Variants in LIPN observed in about 807,000 individuals in gnomAD.
The protein encoded by LIPN is lipase member N.
In LIPN, 32 loss-of-function variants were observed where a neutral mutation model predicts 43.7. That is an observed-to-expected ratio of 0.73 (90% confidence interval 0.55 to 0.98). The LOEUF (loss-of-function observed/expected upper bound fraction) is 0.98. LIPN is among the 50% of genes least tolerant of loss of function. The pLI, the probability that LIPN is intolerant of heterozygous loss-of-function variation, is 0.00. For missense variants in LIPN, 505 were observed against 483.8 expected (o/e 1.04, Z -0.41); for synonymous variants, 156 against 157.6 (o/e 0.99, Z 0.08).
At position 88,768,932 on chromosome 10, in the gene LIPN, G is replaced by A. The variant is rs1371052188; in HGVS notation, c.672+4G>A. 3 of 1,610,066 alleles carry A rather than the reference G, an allele frequency of 1.9e-6. No individual in the cohort carries two copies. The highest frequency in any genetic ancestry group is 1.3e-5 in the African/African-American group (1 of 74,618). On this transcript the variant is annotated splice_donor_region_variant and intron_variant, in intron 6 of 9. Coordinates refer to ENST00000404459, the MANE Select transcript of LIPN (RefSeq NM_001102469.2). ...ACTTCCAAATTCCATAATCAAGGTA[G>A]GCTCCTTTCAACAAAATGTACCTGA...
chr10:88,762,228 A>G lies in LIPN; in HGVS notation c.149A>G (p.Tyr50Cys), dbSNP rs991216136. ...TACAATGGCTACCCCAGTGAAGAGTATGAAGTCACCACTGAAGATGGGTAT... is the reference window on the plus strand; with the variant it reads ...TACAATGGCTACCCCAGTGAAGAGTGTGAAGTCACCACTGAAGATGGGTAT... ...IIYNGYPSEEYEVTTEDGYIL... is the reference protein window; with the variant it reads ...IIYNGYPSEECEVTTEDGYIL... Residue 50 changes from tyrosine (Y) to cysteine (C), a missense_variant, in exon 3 of 10, where the codon TAT becomes TGT. Transcript: ENST00000404459. 1.2e-6 allele frequency: 2 copies of G among 1,609,102 alleles called. No homozygotes were observed. Among genetic ancestry groups the G allele is most frequent in the African/African-American group, 2.7e-5 (2 of 74,798 alleles).
chr10:88,778,012 C>T lies in LIPN; in HGVS notation c.967C>T (p.His323Tyr). 1 of 1,605,838 alleles carries T rather than the reference C, an allele frequency of 6.2e-7. No homozygotes were observed. The change falls in exon 10 of 10, where the codon CAT becomes TAT. Residue 323 changes from histidine to tyrosine, a missense_variant. Coordinates refer to ENST00000404459, the MANE Select transcript of LIPN (RefSeq NM_001102469.2). ...GCCCTTGCTTTCTCTCCCACAGAGT[C>T]ATCCCCCTATATATGACCTGACTGC... is the stretch of plus-strand genomic sequence containing the variant. ...ADNMKHYNQSHPPIYDLTAMK... is the reference protein window; with the variant it reads ...ADNMKHYNQSYPPIYDLTAMK...
At chr10:88,770,096 T>A (rs1212869590) in intron 6 of LIPN, among the ~76,000 whole-genome samples, 1 of 151,860 alleles carries the variant, frequency 6.6e-6, no homozygotes, top group Non-Finnish European at 1.5e-5. Context: ...TCAATATTCC[T>A]GCTACTTTTA....
intron 2 of LIPN, 70 bp from the exon 3 acceptor site, chr10:88,762,118 A>T (rs1283554821): frequency 1.3e-6 from 1 of 756,426 alleles, no homozygotes; most frequent in African/African-American, 1.7e-5. Context: ...CACACAACAG[A>T]TGGTTTGTTT....
intron 1 of LIPN, among the ~76,000 whole-genome samples, 170 bp downstream of exon 1, chr10:88,760,276 T>A (rs192104929): frequency 6.6e-6 from 1 of 152,082 alleles, no homozygotes; most frequent in African/African-American, 2.4e-5. Flanking sequence ...CCTTTGTTTT[T>A]TTAATTGATA....
chr10:88,779,034 A>G lies in LIPN; in HGVS notation c.*792A>G, dbSNP rs1843343301. ...AAACTGACAATAAAAGATTGAGCTA[A>G]AGATGGAAGCAGAAAGTACTAGGCT... On this transcript the variant is annotated 3_prime_UTR_variant, in exon 10 of 10. Transcript: ENST00000404459. 6.6e-6 allele frequency among the ~76,000 whole-genome samples: 1 copy of G among 152,218 alleles called. No homozygotes were observed. The highest frequency in any genetic ancestry group is 2.1e-4 in the South Asian group (1 of 4,836).
chr10:88,764,873 G>A (rs1320447895), intron 4 of LIPN, among the ~76,000 whole-genome samples: 1 of 151,948 alleles, frequency 6.6e-6, no homozygotes, highest in African/African-American at 2.4e-5. Flanking sequence ...AGACAGCTCA[G>A]GAAATTATCA....
chr10:88,775,297 A>T lies in LIPN; in HGVS notation c.963+134A>T, dbSNP rs1162254484. 3 of 426,378 alleles carry T rather than the reference A, an allele frequency of 7.0e-6. No homozygotes were observed. The Admixed American group carries it at 1.3e-4, about 18-fold the overall frequency. 26.4% of individuals were successfully genotyped at this position (426,378 alleles called of 1,614,324 possible). A position where few individuals can be genotyped will look rare whatever the true frequency, so the allele number is the denominator to read the frequency against. On this transcript the variant is annotated intron_variant, in intron 9 of 9. Coordinates refer to ENST00000404459, the MANE Select transcript of LIPN (RefSeq NM_001102469.2). ...AGAACTTTTTTTTAAAAAAATTTTA[A>T]TTTTAATTTTAATTTATTTCAGAAA... is the stretch of plus-strand genomic sequence containing the variant.
chr10:88,770,436 A>G (rs918878902), intron 6 of LIPN, among the ~76,000 whole-genome samples: 2 of 137,638 alleles, frequency 1.5e-5, no homozygotes, highest in African/African-American at 2.7e-5. Context: ...ATGAGAAAAA[A>G]ATATTGGCAA....
At chr10:88,776,389 A>G (rs894944657) in intron 9 of LIPN, among the ~76,000 whole-genome samples, 14 of 152,100 alleles carry the variant, frequency 9.2e-5, no homozygotes, top group Admixed American at 2.6e-4. Flanking sequence ...TTACATTTAC[A>G]AGAAAATGAA....
chr10:88,761,652 A>G, intron 2 of LIPN, 139 bp downstream of exon 2: 2 of 606,788 alleles, frequency 3.3e-6, no homozygotes, highest in East Asian at 5.5e-5. Flanking sequence ...GCAAGAGTCA[A>G]GCTAGTTAGA....
intron 8 of LIPN, among the ~76,000 whole-genome samples, chr10:88,774,799 G>T (rs1229325055): frequency 1.3e-4 from 19 of 151,964 alleles, no homozygotes; most frequent in Admixed American, 1.2e-3. Flanking sequence ...GAAGCAAGAG[G>T]TAAACTAGGG....
upstream of LIPN, among the ~76,000 whole-genome samples, chr10:88,757,271 G>T (rs1362330148): frequency 6.6e-6 from 1 of 152,082 alleles, no homozygotes; most frequent in African/African-American, 2.4e-5. Context: ...GCAGGAAAAT[G>T]ATATAATTTT....
At chr10:88,762,146 C>A in intron 2 of LIPN, 42 bp from the exon 3 acceptor site, 1 of 1,017,540 alleles carries the variant, frequency 9.8e-7, no homozygotes, top group Non-Finnish European at 1.5e-6. Context: ...TTTTTATATC[C>A]TTTGGAGAAG....
intron 6 of LIPN, chr10:88,769,630 T>C: frequency 1.1e-5 from 11 of 971,868 alleles, no homozygotes; most frequent in Non-Finnish European, 1.3e-5. Context: ...ATAAAATGGA[T>C]TTGGGCCAAA....
intron 9 of LIPN, 53 bp downstream of exon 9, chr10:88,775,216 A>C: frequency 1.5e-6 from 2 of 1,307,994 alleles, no homozygotes; most frequent in Non-Finnish European, 2.1e-6. Flanking sequence ...TTATAATAAA[A>C]AATTATTTGA....
At chr10:88,763,604 A>T (rs1354406129) in intron 3 of LIPN, among the ~76,000 whole-genome samples, 1 of 152,086 alleles carries the variant, frequency 6.6e-6, no homozygotes, top group Non-Finnish European at 1.5e-5. Flanking sequence ...GTCCACAAAT[A>T]GCAAGCTGAC....
rs779288716 is a variant in LIPN, at chr10:88,761,433, TG to T, written c.29del (p.Cys10PhefsTer2). On this transcript the variant is annotated frameshift_variant, in exon 2 of 10. Transcript: ENST00000404459. LOFTEE classifies it high-confidence loss of function. MMWLLLTTT[C>X]LICGTLNAGG... Reference sequence around the variant, plus strand: ...GATGTGGCTGCTTTTAACAACAACTTGTTTGATCTGTGGAACTTTAAATGCT... The same window carrying T: ...GATGTGGCTGCTTTTAACAACAACTTTTTGATCTGTGGAACTTTAAATGCT... 1 of 1,612,362 alleles carries T rather than the reference TG, an allele frequency of 6.2e-7. No individual in the cohort carries two copies. Among genetic ancestry groups the T allele is most frequent in the Non-Finnish European group, 8.5e-7 (1 of 1,178,940 alleles).
rs996739274 is a variant in LIPN at position 88,778,096 on chromosome 10, G to T, written c.1051G>T (p.Asp351Tyr). The T allele has an allele frequency of 6.2e-7, 1 of 1,613,648 alleles. No homozygotes were observed. The highest frequency in any genetic ancestry group is 8.5e-7 in the Non-Finnish European group (1 of 1,179,720). ...GGHDVLVTPQ[D>Y]VARILPQIKS... ...ACATGATGTCCTCGTAACACCCCAG[G>T]ATGTGGCCAGGATACTCCCTCAAAT... The change falls in exon 10 of 10, where the codon GAT becomes TAT. Residue 351 changes from aspartate (D) to tyrosine (Y), a missense_variant. Asp to Tyr is a radical substitution (Grantham distance 160). Coordinates refer to ENST00000404459, the MANE Select transcript of LIPN (RefSeq NM_001102469.2).
Sources: gnomAD v4.1 joint callset for allele counts (sites outside exome capture counted in the v4.1 genomes callset) on GRCh38, gnomAD v4.1.1 for gene constraint, MANE v1.5 for transcripts, NCBI Gene and HGNC (gene_info 2026-07-23, HGNC 2026-07-21) for gene names.